The following KLHL21 variants were observed in gnomAD, a reference collection of about 807,000 sequenced individuals.
KLHL21 encodes the protein kelch like family member 21, also known as kelch-like protein 21.
Under a neutral mutation model 44.1 loss-of-function variants are expected in KLHL21, and 42 were observed. That is an observed-to-expected ratio of 0.95 (90% CI 0.74 to 1.23). The LOEUF (loss-of-function observed/expected upper bound fraction) is 1.23, where lower values mean the gene tolerates loss of function less well. Ranked by LOEUF, KLHL21 falls within the 50% of genes most tolerant of loss-of-function variation. The pLI is 0.00. For missense variants in KLHL21, 918 were observed against 889.1 expected (o/e 1.03, Z -0.41); for synonymous variants, 524 against 411.6 (o/e 1.27, Z -3.31).
chr1:6,600,745 G>A (rs1323569289), intron 1 of KLHL21, among the ~76,000 whole-genome samples: 1 of 152,248 alleles, frequency 6.6e-6, no homozygotes, highest in Non-Finnish European at 1.5e-5. Context: ...TCTGCTCAAA[G>A]CCACTGGTCA....
In KLHL21 at chr1:6,602,666, C is replaced by T. The variant is rs1641052526; in HGVS notation, c.152G>A (p.Arg51His). 1 of 1,512,020 alleles carries T rather than the reference C, an allele frequency of 6.6e-7. No individual in the cohort carries two copies. The highest frequency in any genetic ancestry group is 2.6e-5 in the East Asian group (1 of 38,110). 93.7% of individuals were successfully genotyped at this position (1,512,020 alleles called of 1,614,324 possible). A position where few individuals can be genotyped will look rare whatever the true frequency, so the allele number is the denominator to read the frequency against. Reference sequence around the variant, plus strand: ...GGGGCTGGCGGCGGCCAGCACCGCACGGTGCGCCGGGAAGTCGCGCCCGCC... The same window carrying T: ...GGGGCTGGCGGCGGCCAGCACCGCATGGTGCGCCGGGAAGTCGCGCCCGCC... ...AAGGRDFPAH[R>H]AVLAAASPYF... The change falls in exon 1 of 4, where the codon CGT becomes CAT. Residue 51 changes from arginine (R) to histidine (H), a missense_variant. Physicochemically the swap from Arg to His is conservative, Grantham distance 29 (BLOSUM62 0). Transcript: ENST00000377658.
rs1337895010 is a variant in KLHL21, at chr1:6,592,245, T to G, written c.*1120A>C. The G allele has an allele frequency of 6.6e-6, 1 of 152,190 alleles. No homozygotes were observed. The highest frequency in any genetic ancestry group is 1.5e-5 in the Non-Finnish European group (1 of 68,014). The allele number at this position is 152,190 out of a possible 1,614,324, so 9.4% of individuals were successfully genotyped here. A position where few individuals can be genotyped will look rare whatever the true frequency, so the allele number is the denominator to read the frequency against. On this transcript the variant is annotated 3_prime_UTR_variant, in exon 4 of 4. Transcript: ENST00000377658. ...AAGGCAATAAACATTTGCTTTAACCTTCTTTAACCAGGAAAATGCAGTCTA... is the reference window on the plus strand; with the variant it reads ...AAGGCAATAAACATTTGCTTTAACCGTCTTTAACCAGGAAAATGCAGTCTA...
intron 1 of KLHL21, among the ~76,000 whole-genome samples, chr1:6,600,358 A>T (rs775957012): frequency 1.3e-5 from 2 of 152,108 alleles, no homozygotes; most frequent in Non-Finnish European, 2.9e-5. Flanking sequence ...TTTCAATTTC[A>T]ATAAAAAGCT....
rs1363479064 is a variant in KLHL21, at chr1:6,602,653, G to C, written c.165C>G (p.Ala55=). The change falls in exon 1 of 4, where the codon GCC becomes GCG. Residue 55 remains alanine, a synonymous_variant. Transcript: ENST00000377658. The part of the protein sequence containing the change: ...RDFPAHRAVL[A]AASPYFRAMF... ...TGGCGCGGAAGTAGGGGCTGGCGGC[G>C]GCCAGCACCGCACGGTGCGCCGGGA... is the stretch of plus-strand genomic sequence containing the variant. 6.6e-7 allele frequency: 1 copy of C among 1,516,186 alleles called. No individual in the cohort carries two copies. 93.9% of individuals were successfully genotyped at this position (1,516,186 alleles called of 1,614,324 possible).
In KLHL21 at chr1:6,592,257, G is replaced by T. The variant is rs1490746692; in HGVS notation, c.*1108C>A. On this transcript the variant is annotated 3_prime_UTR_variant, in exon 4 of 4. Coordinates refer to ENST00000377658, the MANE Select transcript of KLHL21 (RefSeq NM_014851.4). The stretch of plus-strand genomic sequence containing the variant: ...ATTTGCTTTAACCTTCTTTAACCAG[G>T]AAAATGCAGTCTAAATGCCCTCTTC... The T allele has an allele frequency of 6.6e-6, 1 of 152,202 alleles. No individual in the cohort carries two copies. Among genetic ancestry groups the T allele is most frequent in the Admixed American group, 6.5e-5 (1 of 15,278 alleles). 9.4% of individuals were successfully genotyped at this position (152,202 alleles called of 1,614,324 possible).
At position 6,596,063 on chromosome 1, in the gene KLHL21, T is replaced by C. The variant is rs1640924303; in HGVS notation, c.1428-506A>G. The stretch of plus-strand genomic sequence containing the variant: ...GACCCTTCAACTTCATCTGACACCC[T>C]TTATATCCCCACAGTAAAAGGCTCA... On this transcript the variant is annotated intron_variant, in intron 2 of 3. Coordinates refer to ENST00000377658, the MANE Select transcript of KLHL21 (RefSeq NM_014851.4). 2.0e-5 allele frequency among the ~76,000 whole-genome samples: 3 copies of C among 152,188 alleles called. No individual in the cohort carries two copies. In the South Asian group the frequency reaches 6.2e-4, roughly 32 times the overall value.
rs997678997 is a variant in KLHL21, at chr1:6,592,415, A to G, written c.*950T>C. The G allele has an allele frequency of 6.6e-6, 1 of 152,250 alleles. No homozygotes were observed. Among genetic ancestry groups the G allele is most frequent in the African/African-American group, 2.4e-5 (1 of 41,456 alleles). The allele number at this position is 152,250 out of a possible 1,614,324, so 9.4% of individuals were successfully genotyped here. Reference sequence around the variant, plus strand: ...TCACCCTCCTGCAGAAAGCTTTGGCAATGGGACTTCTTAGACTGGACAAAT... The same window carrying G: ...TCACCCTCCTGCAGAAAGCTTTGGCGATGGGACTTCTTAGACTGGACAAAT... On this transcript the variant is annotated 3_prime_UTR_variant, in exon 4 of 4. Transcript: ENST00000377658.
chr1:6,597,015 G>C (rs1019555151), intron 2 of KLHL21, among the ~76,000 whole-genome samples: 4 of 152,238 alleles, frequency 2.6e-5, no homozygotes, highest in Admixed American at 6.5e-5. Flanking sequence ...AAATAGCCCA[G>C]GGGGACCAGC....
At chr1:6,597,316 G>A (rs1169555324) in intron 2 of KLHL21, among the ~76,000 whole-genome samples, 2 of 152,196 alleles carry the variant, frequency 1.3e-5, no homozygotes, top group Non-Finnish European at 2.9e-5. Flanking sequence ...CTTGCTCTAG[G>A]ACAGATGGGG....
intron 2 of KLHL21, among the ~76,000 whole-genome samples, chr1:6,598,160 G>C (rs920713062): frequency 6.6e-6 from 1 of 152,240 alleles, no homozygotes; most frequent in African/African-American, 2.4e-5. Context: ...GGCTGGGTGT[G>C]GGGGCTCACA....
Position 6,593,619 on chromosome 1 carries a change from G to C in KLHL21, c.1540C>G (p.Leu514Val). The change falls in exon 4 of 4, where the codon CTG becomes GTG. Residue 514 changes from leucine (L) to valine (V), a missense_variant. Physicochemically the swap from Leu to Val is conservative, Grantham distance 32. Transcript: ENST00000377658. ...TTGTCGTATCCCCCAGAGACGTACA[G>C]CTTCCCCCCAAGGACGGCCAGGCTG... ...GGSLAVLGGK[L>V]YVSGGYDNTF... is the part of the protein sequence containing the mutation. The C allele has an allele frequency of 2.5e-6, 4 of 1,602,230 alleles. No homozygotes were observed. Among genetic ancestry groups the C allele is most frequent in the Non-Finnish European group, 3.4e-6 (4 of 1,172,050 alleles).
At position 6,593,100 on chromosome 1, in the gene KLHL21, T is replaced by A; in HGVS notation, c.*265A>T. 1 of 463,994 alleles carries A rather than the reference T, an allele frequency of 2.2e-6. No homozygotes were observed. Among genetic ancestry groups the A allele is most frequent in the Non-Finnish European group, 3.9e-6 (1 of 258,576 alleles). 28.7% of individuals were successfully genotyped at this position (463,994 alleles called of 1,614,324 possible). ...CGTGGGTGAGCTGTGATCCGCGGGG[T>A]GGGGGTGACCTCCAAGACCCAGAAA... On this transcript the variant is annotated 3_prime_UTR_variant, in exon 4 of 4. Transcript: ENST00000377658.
rs548994144 is a variant in KLHL21 at position 6,593,180 on chromosome 1, G to A, written c.*185C>T. 9.7e-5 allele frequency: 56 copies of A among 578,880 alleles called. No homozygotes were observed. The highest frequency in any genetic ancestry group is 1.3e-4 in the Non-Finnish European group (46 of 342,316). The allele number at this position is 578,880 out of a possible 1,614,324, so 35.9% of individuals were successfully genotyped here. ...CAACTGCAGGGAGGGCGTTCCCGAC[G>A]GCCTCTGATTCAGGCTCTCAAGGTA... On this transcript the variant is annotated 3_prime_UTR_variant, in exon 4 of 4. Transcript: ENST00000377658.
In KLHL21 at chr1:6,602,012, T is replaced by C. The variant is rs1553121892; in HGVS notation, c.806A>G (p.Asp269Gly). ...DFQAARYDRH[D>G]RGPCPRMRPR... ...ACGCATTCGGGGACAGGGCCCGCGGTCGTGGCGGTCGTAGCGCGCCGCCTG... is the reference window on the plus strand; with the variant it reads ...ACGCATTCGGGGACAGGGCCCGCGGCCGTGGCGGTCGTAGCGCGCCGCCTG... Residue 269 changes from aspartate (D) to glycine (G), a missense_variant, in exon 1 of 4, where the codon GAC becomes GGC. Transcript: ENST00000377658. 6.5e-7 allele frequency: 1 copy of C among 1,537,316 alleles called. No homozygotes were observed. The highest frequency in any genetic ancestry group is 8.8e-7 in the Non-Finnish European group (1 of 1,138,754).
chr1:6,593,581 G>A lies in KLHL21; in HGVS notation c.1578C>T (p.Leu526=), dbSNP rs1640884567. ...GGTCATAGGCCTCTACCACGTCCGA[G>A]AGTTCAAATGTATTGTCGTATCCCC... ...VSGGYDNTFE[L]SDVVEAYDPE... The change falls in exon 4 of 4, where the codon CTC becomes CTT. Residue 526 remains leucine, a synonymous_variant. Transcript: ENST00000377658. The A allele has an allele frequency of 6.2e-7, 1 of 1,613,810 alleles. No individual in the cohort carries two copies. Among genetic ancestry groups the A allele is most frequent in the Non-Finnish European group, 8.5e-7 (1 of 1,179,846 alleles).
intron 2 of KLHL21, 139 bp downstream of exon 2, chr1:6,598,908 G>A (rs2148702867): frequency 1.1e-6 from 1 of 884,984 alleles, no homozygotes; most frequent in South Asian, 1.9e-5. Flanking sequence ...CAAAAACAAA[G>A]AGACAGACCC....
At chr1:6,598,256 G>A (rs577514320) in intron 2 of KLHL21, among the ~76,000 whole-genome samples, 3 of 152,152 alleles carry the variant, frequency 2.0e-5, no homozygotes, top group African/African-American at 4.8e-5. Flanking sequence ...GCAATACAGC[G>A]AGACCCTGTC....
At position 6,591,792 on chromosome 1, in the gene KLHL21, A is replaced by G. The variant is rs1339222414; in HGVS notation, c.*1573T>C. 6.5e-6 allele frequency: 1 copy of G among 153,052 alleles called. No individual in the cohort carries two copies. The highest frequency in any genetic ancestry group is 1.9e-4 in the East Asian group (1 of 5,224). The allele number at this position is 153,052 out of a possible 1,614,324, so 9.5% of individuals were successfully genotyped here. On this transcript the variant is annotated 3_prime_UTR_variant, in exon 4 of 4. Coordinates refer to ENST00000377658, the MANE Select transcript of KLHL21 (RefSeq NM_014851.4). Reference sequence around the variant, plus strand: ...AAAGGTCCAGGGCACAGGGCAAGCAACAGTGCCAGAGGGTGCCTGGTCACA... The same window carrying G: ...AAAGGTCCAGGGCACAGGGCAAGCAGCAGTGCCAGAGGGTGCCTGGTCACA...
intron 1 of KLHL21, chr1:6,599,774 CCTTGG>C: frequency 3.2e-6 from 1 of 309,666 alleles, no homozygotes; most frequent in Non-Finnish European, 6.0e-6. Context: ...GAGCCCTGGG[CCTTGG>C]GACAGTTCTC....
Sources: gnomAD v4.1 joint callset for allele counts (sites outside exome capture counted in the v4.1 genomes callset) on GRCh38, gnomAD v4.1.1 for gene constraint, MANE v1.5 for transcripts, NCBI Gene and HGNC (gene_info 2026-07-23, HGNC 2026-07-21) for gene names.